LMLN: variants seen among roughly 807,000 people sequenced by gnomAD.
The protein encoded by LMLN is leishmanolysin like peptidase, also known as leishmanolysin-like peptidase.
In LMLN, 70 loss-of-function variants were observed where a neutral mutation model predicts 92.3. That is an observed-to-expected ratio of 0.76 (90% CI 0.63 to 0.92). LMLN has a LOEUF of 0.92. LMLN is among the 40% of genes least tolerant of loss of function. The pLI is 0.00. For missense variants in LMLN, 691 were observed against 814.6 expected (o/e 0.85, Z 1.85); for synonymous variants, 308 against 296.2 (o/e 1.04, Z -0.41).
exon 8 of LMLN, chr3:197,985,887 A>G: frequency 6.3e-7 from 1 of 1,594,422 alleles, no homozygotes; most frequent in Non-Finnish European, 8.6e-7. Context: ...CCTTTTAATT[A>G]TAGGTATTTT....
At chr3:198,013,052 C>T (rs1722497605) in intron 11 of LMLN, among the ~76,000 whole-genome samples, 1 of 137,006 alleles carries the variant, frequency 7.3e-6, no homozygotes, top group Non-Finnish European at 1.5e-5. Context: ...TCTGACTTCT[C>T]TGTACCCTTC....
chr3:197,968,186 A>C (rs9832681), intron 1 of LMLN, among the ~76,000 whole-genome samples: 35 of 152,156 alleles, frequency 2.3e-4, no homozygotes, highest in Non-Finnish European at 2.9e-5. Context: ...ATAAGAGTAC[A>C]CTGGGCGTGG....
intron 13 of LMLN, among the ~76,000 whole-genome samples, chr3:198,023,594 A>G: frequency 6.6e-6 from 1 of 152,252 alleles, no homozygotes. Flanking sequence ...TAGCTTATAT[A>G]ATTCAGATTT....
chr3:197,964,789 C>T (rs1234382900), intron 1 of LMLN, among the ~76,000 whole-genome samples: 1 of 151,782 alleles, frequency 6.6e-6, no homozygotes, highest in African/African-American at 2.4e-5. Context: ...GGGTGGATCA[C>T]CTTAGGTCAG....
Position 197,976,650 on chromosome 3 carries a change from TGC to T in LMLN, c.485_486del (p.Cys162TyrfsTer17). 6.2e-7 allele frequency: 1 copy of T among 1,600,134 alleles called. No homozygotes were observed. The highest frequency in any genetic ancestry group is 1.1e-5 in the South Asian group (1 of 89,644). On this transcript the variant is annotated frameshift_variant, in exon 5 of 16. Coordinates refer to ENST00000330198, the Ensembl canonical transcript of LMLN. LOFTEE classifies it high-confidence loss of function. The stretch of plus-strand genomic sequence containing the variant: ...GAAGGAAAACGATCCTCACAGGTAC[TGC>T]ACCGGGGAGTGTGCCGCACACACAA...
intron 5 of LMLN, among the ~76,000 whole-genome samples, chr3:197,979,261 A>G (rs1052609005): frequency 6.6e-6 from 1 of 152,144 alleles, no homozygotes; most frequent in Non-Finnish European, 1.5e-5. Context: ...CTCTACAAGT[A>G]TTGCTTACAC....
intron 11 of LMLN, among the ~76,000 whole-genome samples, chr3:198,011,877 G>A (rs1227686598): frequency 6.6e-6 from 1 of 152,162 alleles, no homozygotes; most frequent in Admixed American, 6.6e-5. Context: ...TGACAAATGG[G>A]ATCTAATTAA....
chr3:197,960,258 T>TG lies in LMLN; in HGVS notation c.41dup (p.Gly15ArgfsTer57), dbSNP rs752503433. On this transcript the variant is annotated frameshift_variant, in exon 1 of 16. Transcript: ENST00000330198. LOFTEE classifies it high-confidence loss of function. ...GCTCGGCCCGAAGATGGCGGCCGAA[T>TG]GGGGCGGAGGAGTGGGTTACTCGGG... 189 of 1,611,824 alleles carry TG rather than the reference T, an allele frequency of 1.2e-4. 1 individual carries two copies. The highest frequency in any genetic ancestry group is 2.2e-4 in the Admixed American group (13 of 59,896).
Position 198,021,577 on chromosome 3 carries a change from A to G in LMLN, c.1497A>G (p.Ser499=), listed in dbSNP as rs772675558. The change falls in exon 13 of 16, where the codon TCA becomes TCG. Residue 499 remains serine, a synonymous_variant. Coordinates refer to ENST00000330198, the Ensembl canonical transcript of LMLN. ...TAAGTGGTGAATATCAGCGCAGCTC[A>G]GATTGTAGAATATTGGAAAATCAAC... 3.7e-6 allele frequency: 6 copies of G among 1,614,154 alleles called. No individual in the cohort carries two copies. The South Asian group carries it at 6.6e-5, about 18-fold the overall frequency.
chr3:198,001,390 T>G (rs1403220214), intron 11 of LMLN, among the ~76,000 whole-genome samples: 1 of 152,036 alleles, frequency 6.6e-6, no homozygotes, highest in Non-Finnish European at 1.5e-5. Context: ...GTAGCTGGAG[T>G]GCCCACCTGA....
chr3:197,998,511 C>T (rs558329740), intron 10 of LMLN, among the ~76,000 whole-genome samples: 7 of 152,226 alleles, frequency 4.6e-5, no homozygotes, highest in Admixed American at 1.3e-4. Context: ...TCAGCAGAAG[C>T]GCTGACAGTA....
intron 15 of LMLN, among the ~76,000 whole-genome samples, chr3:198,036,991 A>T (rs1451797874): frequency 6.6e-6 from 1 of 152,162 alleles, no homozygotes; most frequent in Non-Finnish European, 1.5e-5. Flanking sequence ...CACCTCTAAG[A>T]TTAACTTCCC....
chr3:197,996,019 A>G (rs948271434), intron 9 of LMLN, among the ~76,000 whole-genome samples, 156 bp from the exon 10 acceptor site: 1 of 152,238 alleles, frequency 6.6e-6, no homozygotes, highest in African/African-American at 2.4e-5. Context: ...TAAAATATTT[A>G]GTTATATTAA....
chr3:197,998,327 G>C (rs1234324510), intron 10 of LMLN, among the ~76,000 whole-genome samples: 1 of 152,224 alleles, frequency 6.6e-6, no homozygotes, highest in Admixed American at 6.5e-5. Context: ...ATTAGTGCTT[G>C]TGATTACTGT....
chr3:198,005,705 G>T (rs1722274975), intron 11 of LMLN, among the ~76,000 whole-genome samples: 1 of 150,390 alleles, frequency 6.6e-6, no homozygotes, highest in Non-Finnish European at 1.5e-5. Flanking sequence ...CGCAGTCTCA[G>T]CTCACTGCAA....
chr3:198,021,001 A>T (rs1286229531), intron 12 of LMLN, among the ~76,000 whole-genome samples: 1 of 151,874 alleles, frequency 6.6e-6, no homozygotes, highest in Admixed American at 6.6e-5. Context: ...TATATTATAT[A>T]TATGATCTCA....
At chr3:197,990,537 T>C (rs1721836053) in intron 8 of LMLN, 22 bp from the exon 9 acceptor site, 1 of 993,908 alleles carries the variant, frequency 1.0e-6, no homozygotes. Context: ...GTAATAATTG[T>C]GTTTTAATTC....
chr3:197,991,302 C>T (rs1318820239), intron 9 of LMLN, among the ~76,000 whole-genome samples: 2 of 151,914 alleles, frequency 1.3e-5, no homozygotes, highest in African/African-American at 2.4e-5. Flanking sequence ...GATGAGGTCT[C>T]GCTATGTTGC....
intron 9 of LMLN, chr3:197,994,464 T>G (rs1721962465): frequency 6.6e-6 from 1 of 152,200 alleles, no homozygotes; most frequent in African/African-American, 2.4e-5. Context: ...TAGACATTTC[T>G]CAAAAGAAGA....
Sources: allele counts gnomAD v4.1 joint callset (sites outside exome capture counted in the v4.1 genomes callset), GRCh38; gene constraint gnomAD v4.1.1; transcripts MANE v1.5; gene names NCBI Gene and HGNC (gene_info 2026-07-23, HGNC 2026-07-21).